Variants in DIO2 observed in about 807,000 individuals in gnomAD.
DIO2 encodes the protein iodothyronine deiodinase 2.
Under a neutral mutation model 21.4 loss-of-function variants are expected in DIO2, and 19 were observed. The ratio of observed to expected loss-of-function variants is 0.89; its 90% CI spans 0.62 to 1.30. The LOEUF is 1.30. Among genes scored for constraint, DIO2 ranks in the 50% most tolerant of loss-of-function variants. The pLI is 0.00. For missense variants in DIO2, 302 were observed against 338.1 expected, an observed-to-expected ratio of 0.89 and a Z score of 0.84; for synonymous variants, 122 against 132.9, an observed-to-expected ratio of 0.92 and a Z score of 0.57.
intron 2 of DIO2, among the ~76,000 whole-genome samples, chr14:80,225,362 A>G (rs1451486083): frequency 6.6e-6 from 1 of 152,184 alleles, no homozygotes; most frequent in African/African-American, 2.4e-5. Flanking sequence ...TCTCCTTCCT[A>G]CAACCAGACA....
intron 1 of DIO2, chr14:80,205,579 G>C (rs1471305053): frequency 7.7e-7 from 1 of 1,303,320 alleles, no homozygotes; most frequent in Non-Finnish European, 1.0e-6. Flanking sequence ...TGTTGCTTTA[G>C]TCACAGGGGA....
chr14:80,206,422 C>G, intron 1 of DIO2: 7 of 687,132 alleles, frequency 1.0e-5, no homozygotes, highest in Non-Finnish European at 1.7e-5. Context: ...TATTACTGTT[C>G]ATTCTCATCT....
rs151236591 is a variant in DIO2, at chr14:80,222,655, A to G, written c.-277-5918T>C. ...GCTCTGAAAAACTGAACCTCTTCAC[A>G]GGGATACTGTTTGTTTATCTTGTGC... On this transcript the variant is annotated intron_variant, in intron 2 of 4. Coordinates refer to the DIO2 transcript ENST00000553594. Among the ~76,000 whole-genome samples the G allele has an allele frequency of 7.2e-5, 11 of 152,324 alleles. No homozygotes were observed. The East Asian group carries it at 2.1e-3, about 29-fold the overall frequency.
intron 2 of DIO2, among the ~76,000 whole-genome samples, chr14:80,225,352 T>G (rs1213859755): frequency 6.6e-6 from 1 of 151,844 alleles, no homozygotes; most frequent in Non-Finnish European, 1.5e-5. Context: ...ATAATACAAC[T>G]CTCCTTCCTA....
In DIO2 at chr14:80,198,423, A is replaced by G. The variant is rs1464559435; in HGVS notation, c.*4266T>C. The G allele has an allele frequency of 1.3e-5, 2 of 152,634 alleles. No individual in the cohort carries two copies. The highest frequency in any genetic ancestry group is 2.9e-5 in the Non-Finnish European group (2 of 68,058). 9.5% of individuals were successfully genotyped at this position (152,634 alleles called of 1,614,324 possible). ...ACATAGGGCATTAGGAAGTGGCCCA[A>G]TGTTTTGCTCATCCTAAAGTCACTC... On this transcript the variant is annotated 3_prime_UTR_variant, in exon 2 of 2. Coordinates refer to ENST00000438257, the MANE Select transcript of DIO2 (RefSeq NM_013989.5).
chr14:80,219,261 TAATA>T (rs1445838712), intron 2 of DIO2: 2 of 152,204 alleles, frequency 1.3e-5, no homozygotes, highest in Non-Finnish European at 2.9e-5. Flanking sequence ...GGCAGTGCAA[TAATA>T]AATAGCATTT....
At chr14:80,208,769 C>A (rs1050106804) in intron 1 of DIO2, among the ~76,000 whole-genome samples, 23 of 152,188 alleles carry the variant, frequency 1.5e-4, no homozygotes, top group African/African-American at 4.8e-4. Flanking sequence ...GAGTGACCCT[C>A]AAATGCCACC....
rs758272992 is a variant in DIO2, at chr14:80,202,168, G to A, written c.*521C>T. 2 of 368,254 alleles carry A rather than the reference G, an allele frequency of 5.4e-6. No homozygotes were observed. The highest frequency in any genetic ancestry group is 2.1e-5 in the African/African-American group (1 of 47,098). The allele number at this position is 368,254 out of a possible 1,614,324, so 22.8% of individuals were successfully genotyped here. A position where few individuals can be genotyped will look rare whatever the true frequency, so the allele number is the denominator to read the frequency against. ...TACATGGCTAGAAGCTGGAACATCAGAAATGACTCTAACATAAGGTCTAAC... is the reference window on the plus strand; with the variant it reads ...TACATGGCTAGAAGCTGGAACATCAAAAATGACTCTAACATAAGGTCTAAC... On this transcript the variant is annotated 3_prime_UTR_variant, in exon 2 of 2. Transcript: ENST00000438257.
rs755440499 is a variant in DIO2, at chr14:80,202,895, G to A, written c.616C>T (p.Pro206Ser). The stretch of plus-strand genomic sequence containing the variant: ...CGGTCAGCCACAACTCGGCACTGGG[G>A]CGGCAAGGAGAAACGCTCCAGAAGC... ...QQLLERFSLP[P>S]QCRVVADRMD... The change falls in exon 2 of 2, where the codon CCC (proline) becomes TCC (serine). Residue 206 changes from proline to serine, a missense_variant. Pro to Ser is a moderately conservative substitution (Grantham distance 74). Coordinates refer to ENST00000438257, the MANE Select transcript of DIO2 (RefSeq NM_013989.5). 7 of 1,613,972 alleles carry A rather than the reference G, an allele frequency of 4.3e-6. No homozygotes were observed. The highest frequency in any genetic ancestry group is 2.2e-5 in the East Asian group (1 of 44,866).
rs973331484 is a variant in DIO2, at chr14:80,206,417, C to G, written c.223-3129G>C. On this transcript the variant is annotated intron_variant, in intron 1 of 1. Coordinates refer to ENST00000438257, the MANE Select transcript of DIO2 (RefSeq NM_013989.5). ...AAGAAAATATTCTAAAAGGATATTA[C>G]TGTTCATTCTCATCTCCCCATTTGG... is the stretch of plus-strand genomic sequence containing the variant. 19 of 741,072 alleles carry G rather than the reference C, an allele frequency of 2.6e-5. No individual in the cohort carries two copies. In the East Asian group the frequency reaches 5.6e-4, roughly 22 times the overall value. The allele number at this position is 741,072 out of a possible 1,614,324, so 45.9% of individuals were successfully genotyped here.
chr14:80,209,265 G>C (rs1888069232), intron 1 of DIO2, among the ~76,000 whole-genome samples: 1 of 151,922 alleles, frequency 6.6e-6, no homozygotes, highest in Admixed American at 6.6e-5. Flanking sequence ...GTTTATATGA[G>C]AGATGACTGT....
At chr14:80,213,263 C>CACTGAGTTTTCTCAGTGATAGAT (rs1888269027), upstream of DIO2, among the ~76,000 whole-genome samples, 1 of 152,110 alleles carries the variant, frequency 6.6e-6, no homozygotes, top group African/African-American at 2.4e-5. Context: ...CCTAATAGAT[C>CACTGAGTTTTCTCAGTGATAGAT]ACTGAGTTTT....
At chr14:80,215,695 A>C (rs1888334426), upstream of DIO2, among the ~76,000 whole-genome samples, 1 of 152,286 alleles carries the variant, frequency 6.6e-6, no homozygotes, top group Non-Finnish European at 1.5e-5. Context: ...AACAGCAGGC[A>C]TGCTGATTTT....
chr14:80,228,334 G>C (rs1333423183), intron 2 of DIO2, among the ~76,000 whole-genome samples: 1 of 152,192 alleles, frequency 6.6e-6, no homozygotes, highest in African/African-American at 2.4e-5. Flanking sequence ...CAGGTACCAG[G>C]AAATGTGTTA....
At chr14:80,224,159 C>G (rs1320795027) in intron 2 of DIO2, among the ~76,000 whole-genome samples, 1 of 152,122 alleles carries the variant, frequency 6.6e-6, no homozygotes, top group African/African-American at 2.4e-5. Context: ...CTATTAGATT[C>G]ATTTTGTAAA....
intron 2 of DIO2, among the ~76,000 whole-genome samples, chr14:80,226,733 C>T (rs1044368822): frequency 6.6e-6 from 1 of 152,186 alleles, no homozygotes; most frequent in Admixed American, 6.5e-5. Context: ...TGTTCATGGG[C>T]CCATTGGGCA....
chr14:80,221,275 C>T (rs1406432427), intron 2 of DIO2, among the ~76,000 whole-genome samples: 2 of 152,042 alleles, frequency 1.3e-5, no homozygotes, highest in Non-Finnish European at 2.9e-5. Flanking sequence ...TTATATCTAC[C>T]TTTTTGCTCT....
At chr14:80,213,120 G>A (rs189555139), upstream of DIO2, among the ~76,000 whole-genome samples, 1 of 152,286 alleles carries the variant, frequency 6.6e-6, no homozygotes, top group East Asian at 1.9e-4. Context: ...GACTGAATTG[G>A]TTCAAGGTGC....
intron 2 of DIO2, among the ~76,000 whole-genome samples, chr14:80,219,218 A>G (rs1201667289): frequency 6.6e-6 from 1 of 152,208 alleles, no homozygotes; most frequent in African/African-American, 2.4e-5. Context: ...GTAGGGCTGG[A>G]TTTAGAGGAA....
Sources: gnomAD v4.1 joint callset for allele counts (sites outside exome capture counted in the v4.1 genomes callset) on GRCh38, gnomAD v4.1.1 for gene constraint, MANE v1.5 for transcripts, NCBI Gene and HGNC (gene_info 2026-07-23, HGNC 2026-07-21) for gene names.